Variants in PSMD9 observed in about 807,000 individuals in gnomAD.
PSMD9 encodes 26S proteasome non-ATPase regulatory subunit 9.
PSMD9 carries 26 observed loss-of-function variants against 25.9 expected under a neutral mutation model. That is an observed-to-expected ratio of 1.00 (90% confidence interval 0.73 to 1.39). The LOEUF (loss-of-function observed/expected upper bound fraction) is 1.39. Among genes scored for constraint, PSMD9 ranks in the 40% most tolerant of loss-of-function variants. PSMD9 has a pLI of 0.00. For synonymous variants in PSMD9, 110 were observed against 114.5 expected, an observed-to-expected ratio of 0.96 and a Z score of 0.25; for missense variants, 303 against 299.3, an observed-to-expected ratio of 1.01 and a Z score of -0.09.
chr12:121,909,286 C>T (rs570141786), intron 4 of PSMD9, among the ~76,000 whole-genome samples: 5 of 150,820 alleles, frequency 3.3e-5, no homozygotes, highest in Middle Eastern at 3.5e-3. Context: ...AGTTTCCACA[C>T]GTGGGTGCAT....
intron 3 of PSMD9, among the ~76,000 whole-genome samples, chr12:121,900,391 T>TA (rs148865299): frequency 6.6e-6 from 1 of 151,004 alleles, no homozygotes; most frequent in East Asian, 1.9e-4. Flanking sequence ...GACCTTGTCT[T>TA]AAAAAAAATT....
Position 121,911,868 on chromosome 12 carries a change from G to A in PSMD9, c.556-3988G>A, listed in dbSNP as rs542633554. Among the ~76,000 whole-genome samples the A allele has an allele frequency of 7.3e-5, 11 of 151,710 alleles. No individual in the cohort carries two copies. The South Asian group carries it at 2.1e-3, about 29-fold the overall frequency. On this transcript the variant is annotated intron_variant, in intron 4 of 5. Coordinates refer to ENST00000541212, the MANE Select transcript of PSMD9 (RefSeq NM_002813.7). ...GGGTTTCACCATGTTGACCAGGCTC[G>A]CCTCGAACTCCTGACCTCAAGTAAT...
Position 121,903,039 on chromosome 12 carries a change from G to A in PSMD9, c.487G>A (p.Gly163Ser), listed in dbSNP as rs530971540. 7 of 1,614,012 alleles carry A rather than the reference G, an allele frequency of 4.3e-6. No individual in the cohort carries two copies. Among genetic ancestry groups the A allele is most frequent in the Middle Eastern group, 1.6e-4 (1 of 6,062 alleles). ...AGTGGATGATGAGATTGTGGAGTTC[G>A]GCTCTGTGAACACCCAGAACTTCCA... ...LQVDDEIVEF[G>S]SVNTQNFQSL... The change falls in exon 4 of 6, where the codon GGC (glycine) becomes AGC (serine). Residue 163 changes from glycine to serine, a missense_variant. Coordinates refer to ENST00000541212, the MANE Select transcript of PSMD9 (RefSeq NM_002813.7).
rs150052589 is a variant in PSMD9 at position 121,910,708 on chromosome 12, C to T, written c.556-5148C>T. Among the ~76,000 whole-genome samples the T allele has an allele frequency of 9.5e-4, 144 of 150,912 alleles. 2 individuals carry two copies. The highest frequency in any genetic ancestry group is 3.3e-3 in the African/African-American group (136 of 41,010). ...CCGGGAGGCAGAGGTTGCAGTGAGC[C>T]GAGATCACGCCACTGCACTCTGGCC... On this transcript the variant is annotated intron_variant, in intron 4 of 5. Coordinates refer to ENST00000541212, the MANE Select transcript of PSMD9 (RefSeq NM_002813.7).
intron 3 of PSMD9, chr12:121,902,725 C>G: frequency 2.6e-6 from 1 of 382,156 alleles, no homozygotes; most frequent in East Asian, 5.7e-5. Flanking sequence ...CCATGCTCCT[C>G]AAGGCCTTCA....
chr12:121,891,688 T>C (rs1879084292), intron 1 of PSMD9, among the ~76,000 whole-genome samples: 1 of 149,892 alleles, frequency 6.7e-6, no homozygotes, highest in African/African-American at 2.5e-5. Context: ...TGTGGATCGC[T>C]TGAGGTCAGG....
rs1879330627 is a variant in PSMD9 at position 121,899,659 on chromosome 12, G to T, written c.267G>T (p.Val89=). Reference sequence around the variant, plus strand: ...GCCTGCAGAATGATCACAAGGCAGTGATGAAGCAGGTGGAGGAGGCCCTGC... The same window carrying T: ...GCCTGCAGAATGATCACAAGGCAGTTATGAAGCAGGTGGAGGAGGCCCTGC... ...IICLQNDHKA[V]MKQVEEALHQ... Residue 89 remains valine, a synonymous_variant, in exon 3 of 6, where the codon GTG becomes GTT. Coordinates refer to ENST00000541212, the MANE Select transcript of PSMD9 (RefSeq NM_002813.7). 6.2e-7 allele frequency: 1 copy of T among 1,611,284 alleles called. No homozygotes were observed. Among genetic ancestry groups the T allele is most frequent in the African/African-American group, 1.3e-5 (1 of 74,910 alleles).
chr12:121,895,664 C>A (rs993575002), intron 2 of PSMD9, among the ~76,000 whole-genome samples: 11 of 152,310 alleles, frequency 7.2e-5, no homozygotes, highest in Middle Eastern at 6.8e-3. Context: ...CATTTCCCTC[C>A]CTCTGATTCT....
chr12:121,890,151 A>G (rs934827603), intron 1 of PSMD9, among the ~76,000 whole-genome samples: 2 of 152,186 alleles, frequency 1.3e-5, no homozygotes, highest in Non-Finnish European at 2.9e-5. Flanking sequence ...TCCTGACCTC[A>G]GGTGATCCGC....
At chr12:121,913,414 G>T (rs1242207330) in intron 4 of PSMD9, among the ~76,000 whole-genome samples, 3 of 151,456 alleles carry the variant, frequency 2.0e-5, no homozygotes, top group Non-Finnish European at 1.5e-5. Context: ...TTTTGTTGAT[G>T]TTGAGGTATA....
At position 121,916,807 on chromosome 12, in the gene PSMD9, G is replaced by C. The variant is rs115859371; in HGVS notation, c.*496G>C. 368 of 159,954 alleles carry C rather than the reference G, an allele frequency of 2.3e-3. 3 individuals carry two copies. The highest frequency in any genetic ancestry group is 8.5e-3 in the African/African-American group (352 of 41,650). The allele number at this position is 159,954 out of a possible 1,614,324, so 9.9% of individuals were successfully genotyped here. ...ACTGAGGCCTTGCTGCTGTGGATAC[G>C]GAAATGGTTAAGTACTGTGCTTCCT... On this transcript the variant is annotated 3_prime_UTR_variant, in exon 6 of 6. Coordinates refer to ENST00000541212, the MANE Select transcript of PSMD9 (RefSeq NM_002813.7).
At chr12:121,901,785 C>A (rs1390656579) in intron 3 of PSMD9, among the ~76,000 whole-genome samples, 3 of 150,640 alleles carry the variant, frequency 2.0e-5, no homozygotes, top group Non-Finnish European at 4.4e-5. Context: ...ACGCCATTCT[C>A]CTGCCTCATC....
chr12:121,906,588 A>G (rs1289941663), intron 4 of PSMD9, among the ~76,000 whole-genome samples: 1 of 151,736 alleles, frequency 6.6e-6, no homozygotes, highest in Non-Finnish European at 1.5e-5. Flanking sequence ...GCAGATCACA[A>G]GGTCAAGAGA....
intron 2 of PSMD9, chr12:121,899,409 C>G (rs1879323148): frequency 5.5e-6 from 3 of 545,256 alleles, no homozygotes; most frequent in Non-Finnish European, 9.9e-6. Flanking sequence ...GCCAGGCCTC[C>G]CTGCAGTCAT....
Position 121,899,830 on chromosome 12 carries a change from C to T in PSMD9, c.438C>T (p.Ser146=). 1 of 1,614,004 alleles carries T rather than the reference C, an allele frequency of 6.2e-7. No homozygotes were observed. The highest frequency in any genetic ancestry group is 1.3e-5 in the African/African-American group (1 of 75,056). ...AAGTGAACAGCATCAGCCCCGGCTC[C>T]CCAGCCAGCATCGCGGTAATCCAGG... ...FAKVNSISPG[S]PASIAGLQVD... is the part of the protein sequence containing the mutation. Residue 146 remains serine (S), a synonymous_variant, in exon 3 of 6, where the codon TCC becomes TCT. Coordinates refer to ENST00000541212, the MANE Select transcript of PSMD9 (RefSeq NM_002813.7).
chr12:121,894,871 A>T, intron 2 of PSMD9, 30 bp downstream of exon 2: 1 of 1,581,504 alleles, frequency 6.3e-7, no homozygotes. Context: ...GACTTTCCCC[A>T]CCTTGTGGTG....
intron 4 of PSMD9, among the ~76,000 whole-genome samples, chr12:121,913,618 A>G (rs529250368): frequency 2.6e-4 from 40 of 151,030 alleles, no homozygotes; most frequent in Admixed American, 6.6e-4. Flanking sequence ...CAGCCTCCCA[A>G]GTAGCTGGGA....
intron 2 of PSMD9, among the ~76,000 whole-genome samples, chr12:121,895,044 C>G (rs558475752): frequency 1.3e-5 from 2 of 152,014 alleles, no homozygotes; most frequent in South Asian, 4.1e-4. Flanking sequence ...CTCTCTCTCT[C>G]TCTCTCTCTT....
rs1879972848 is a variant in PSMD9 at position 121,917,938 on chromosome 12, G to A, written c.*1627G>A. Reference sequence around the variant, plus strand: ...TCACTGGGGCATGGCAGTGTGGGCGGGGAGAATTATTCACATTCTCCTAAA... The same window carrying A: ...TCACTGGGGCATGGCAGTGTGGGCGAGGAGAATTATTCACATTCTCCTAAA... On this transcript the variant is annotated 3_prime_UTR_variant, in exon 6 of 6. Transcript: ENST00000541212. The A allele has an allele frequency of 6.6e-6, 1 of 152,148 alleles. No individual in the cohort carries two copies. Among genetic ancestry groups the A allele is most frequent in the African/African-American group, 2.4e-5 (1 of 41,424 alleles). 9.4% of individuals were successfully genotyped at this position (152,148 alleles called of 1,614,324 possible).
Sources: allele counts gnomAD v4.1 joint callset (sites outside exome capture counted in the v4.1 genomes callset), GRCh38; gene constraint gnomAD v4.1.1; transcripts MANE v1.5; gene names NCBI Gene and HGNC (gene_info 2026-07-23, HGNC 2026-07-21).